Variants in NFIA observed in about 807,000 individuals in gnomAD.
NFIA encodes the protein nuclear factor 1 A-type.
Under a neutral mutation model 62.8 loss-of-function variants are expected in NFIA, and 8 were observed. The ratio of observed to expected loss-of-function variants is 0.13; its 90% CI spans 0.07 to 0.23. NFIA has a LOEUF of 0.23. Ranked by LOEUF, NFIA falls within the 10% of genes least tolerant of loss-of-function variation. The pLI is 1.00. For missense variants in NFIA, 410 were observed against 642.1 expected (o/e 0.64, Z 3.91); for synonymous variants, 235 against 238.1 (o/e 0.99, Z 0.12).
At chr1:61,339,689 G>C (rs1396583792) in intron 4 of NFIA, among the ~76,000 whole-genome samples, 1 of 152,146 alleles carries the variant, frequency 6.6e-6, no homozygotes, top group Middle Eastern at 3.2e-3. Context: ...TATTTGGGTA[G>C]TAAAGCTGGC....
intron 7 of NFIA, among the ~76,000 whole-genome samples, chr1:61,386,985 T>C (rs1328993087): frequency 7.2e-5 from 11 of 152,216 alleles, no homozygotes; most frequent in Admixed American, 7.2e-4. Context: ...GGTCGCTCTC[T>C]AGTGTCTCTT....
At chr1:61,255,393 A>T (rs886222413) in intron 2 of NFIA, among the ~76,000 whole-genome samples, 4 of 152,246 alleles carry the variant, frequency 2.6e-5, no homozygotes, top group Admixed American at 6.5e-5. Flanking sequence ...AAACCATGAG[A>T]AATTATCAAG....
chr1:61,351,120 T>C (rs1662528207), intron 4 of NFIA, among the ~76,000 whole-genome samples: 1 of 152,254 alleles, frequency 6.6e-6, no homozygotes, highest in South Asian at 2.1e-4. Context: ...TATTATAAAA[T>C]AGGCATATTA....
At chr1:61,311,038 A>G (rs560893776) in intron 3 of NFIA, among the ~76,000 whole-genome samples, 11 of 152,262 alleles carry the variant, frequency 7.2e-5, no homozygotes, top group African/African-American at 2.6e-4. Flanking sequence ...GAAATGAACT[A>G]ATGAATAGTA....
intron 10 of NFIA, among the ~76,000 whole-genome samples, chr1:61,433,457 T>C (rs1569866292): frequency 6.6e-6 from 1 of 152,186 alleles, no homozygotes; most frequent in South Asian, 2.1e-4. Flanking sequence ...TTGGTTTCTT[T>C]TTTTTTTCAC....
intron 2 of NFIA, among the ~76,000 whole-genome samples, chr1:61,272,702 A>G (rs1657586754): frequency 6.6e-6 from 1 of 152,106 alleles, no homozygotes; most frequent in Admixed American, 6.5e-5. Flanking sequence ...GAGTGTAATC[A>G]CCCTTACTCC....
At chr1:61,083,999 C>G (rs1646172984) in intron 1 of NFIA, among the ~76,000 whole-genome samples, 1 of 152,040 alleles carries the variant, frequency 6.6e-6, no homozygotes, top group Admixed American at 6.5e-5. Context: ...TTTTCCTTGA[C>G]TAAAAGGCTT....
chr1:61,260,128 G>T (rs931400098), intron 2 of NFIA, among the ~76,000 whole-genome samples: 1 of 152,226 alleles, frequency 6.6e-6, no homozygotes, highest in African/African-American at 2.4e-5. Flanking sequence ...AGGAATTTAG[G>T]TCGCAGACGT....
At chr1:61,241,449 A>G (rs1655345338) in intron 2 of NFIA, among the ~76,000 whole-genome samples, 1 of 152,150 alleles carries the variant, frequency 6.6e-6, no homozygotes. Context: ...ATTTTACCTG[A>G]TATCACATTG....
intron 2 of NFIA, among the ~76,000 whole-genome samples, chr1:61,242,949 G>A (rs1040713632): frequency 6.6e-6 from 1 of 152,054 alleles, no homozygotes; most frequent in Admixed American, 6.6e-5. Context: ...CTTAGGTGGT[G>A]TGTACATTTT....
rs1254141771 is a variant in NFIA at position 61,184,158 on chromosome 1, CAAAACAA to C, written c.560-93349_560-93343del. ...AAAAAAAAAACCCAAAAAAACAAAA[CAAAACAA>C]AAAACAAAAAACTTCAGAGGGGAAA... On this transcript the variant is annotated intron_variant, in intron 2 of 10. Transcript: ENST00000403491. Among the ~76,000 whole-genome samples, 158 of 124,876 alleles carry C rather than the reference CAAAACAA, an allele frequency of 1.3e-3. 2 individuals are homozygous for C. In the South Asian group the frequency reaches 0.029, roughly 23 times the overall value. 81.9% of individuals were successfully genotyped at this position (124,876 alleles called of 152,430 possible). A position where few individuals can be genotyped will look rare whatever the true frequency, so the allele number is the denominator to read the frequency against.
chr1:61,276,603 A>G (rs554184195), intron 2 of NFIA, among the ~76,000 whole-genome samples: 7 of 152,276 alleles, frequency 4.6e-5, no homozygotes, highest in South Asian at 2.1e-4. Context: ...TTTTAAATCA[A>G]AATTTTTCCC....
intron 2 of NFIA, among the ~76,000 whole-genome samples, chr1:61,259,707 C>T (rs1260712758): frequency 6.6e-6 from 1 of 151,826 alleles, no homozygotes; most frequent in African/African-American, 2.4e-5. Context: ...GTGTAATTAC[C>T]TCCTGTGCCT....
intron 2 of NFIA, among the ~76,000 whole-genome samples, chr1:61,206,996 G>A (rs778633763): frequency 6.6e-6 from 1 of 152,180 alleles, no homozygotes; most frequent in Non-Finnish European, 1.5e-5. Flanking sequence ...ACTAATGGGA[G>A]TTAGGGGACA....
At chr1:61,094,963 A>C (rs898203818) in intron 2 of NFIA, among the ~76,000 whole-genome samples, 2 of 152,216 alleles carry the variant, frequency 1.3e-5, no homozygotes, top group African/African-American at 4.8e-5. Flanking sequence ...TGTTTGTAAA[A>C]CAAGCTAAAT....
chr1:61,405,742 G>A (rs1665784947), intron 8 of NFIA, among the ~76,000 whole-genome samples: 1 of 152,176 alleles, frequency 6.6e-6, no homozygotes, highest in African/African-American at 2.4e-5. Flanking sequence ...CTTAAGGCAG[G>A]TCTCTTCATG....
chr1:61,265,107 G>A lies in NFIA; in HGVS notation c.560-12413G>A, dbSNP rs141253170. On this transcript the variant is annotated intron_variant, in intron 2 of 10. Transcript: ENST00000403491. Reference sequence around the variant, plus strand: ...TCAACTCATACATCTTTGAAGTTTTGTAATTCAGTATAGCTTTGGTTATAG... The same window carrying A: ...TCAACTCATACATCTTTGAAGTTTTATAATTCAGTATAGCTTTGGTTATAG... Among the ~76,000 whole-genome samples the A allele has an allele frequency of 5.4e-4, 82 of 152,232 alleles. No individual in the cohort carries two copies. The East Asian group carries it at 0.015, about 29-fold the overall frequency.
intron 2 of NFIA, among the ~76,000 whole-genome samples, chr1:61,203,576 C>T (rs1475805642): frequency 2.6e-5 from 4 of 152,132 alleles, no homozygotes. Flanking sequence ...ACACATATCT[C>T]TTCTTTTGTC....
chr1:61,128,915 GTTTTTTTTT>G (rs10635152), intron 2 of NFIA, among the ~76,000 whole-genome samples: 2 of 74,124 alleles, frequency 2.7e-5, no homozygotes, highest in African/African-American at 5.7e-5. Flanking sequence ...GCTTACTTAT[GTTTTTTTTT>G]TTTTTTTTTT....
Sources: gnomAD v4.1 joint callset for allele counts (sites outside exome capture counted in the v4.1 genomes callset) on GRCh38, gnomAD v4.1.1 for gene constraint, MANE v1.5 for transcripts, NCBI Gene and HGNC (gene_info 2026-07-23, HGNC 2026-07-21) for gene names.